The following UBE2E2 variants were observed in gnomAD, a reference collection of about 807,000 sequenced individuals.
UBE2E2 encodes ubiquitin-conjugating enzyme E2 E2.
A neutral mutation model predicts 24.7 loss-of-function variants in UBE2E2; 6 were observed. That is an observed-to-expected ratio of 0.24 (90% CI 0.13 to 0.48). The LOEUF (loss-of-function observed/expected upper bound fraction) is 0.48. Among genes scored for constraint, UBE2E2 ranks in the 20% least tolerant of loss-of-function variants. The pLI, the probability that UBE2E2 is intolerant of heterozygous loss-of-function variation, is 0.99. For synonymous variants in UBE2E2, 104 were observed against 83.6 expected (o/e 1.24, Z -1.33); for missense variants, 169 against 245.0 (o/e 0.69, Z 2.07).
At chr3:23,382,225 A>C (rs1455991597) in intron 3 of UBE2E2, among the ~76,000 whole-genome samples, 1 of 120,760 alleles carries the variant, frequency 8.3e-6, no homozygotes, top group Non-Finnish European at 1.6e-5. Context: ...TCTGTAGCCC[A>C]GGCTGGAGTG....
At position 23,556,454 on chromosome 3, in the gene UBE2E2, T is replaced by TTAAAAAAA. The variant is rs1553620573; in HGVS notation, c.508+23753_508+23754insTAAAAAAA. Among the ~76,000 whole-genome samples, 48 of 94,342 alleles carry TTAAAAAAA rather than the reference T, an allele frequency of 5.1e-4. 2 individuals are homozygous for TTAAAAAAA. Among genetic ancestry groups the TTAAAAAAA allele is most frequent in the Middle Eastern group, 0.011 (2 of 178 alleles). 61.9% of individuals were successfully genotyped at this position (94,342 alleles called of 152,430 possible). A position where few individuals can be genotyped will look rare whatever the true frequency, so the allele number is the denominator to read the frequency against. ...CCATGCCCAGCCAATAAAATTTATT[T>TTAAAAAAA]AAAAAAAAAAAAAAAAAAGCTATAC... On this transcript the variant is annotated intron_variant, in intron 5 of 5. Coordinates refer to ENST00000396703, the MANE Select transcript of UBE2E2 (RefSeq NM_152653.4).
chr3:23,548,089 A>G (rs769192183), intron 5 of UBE2E2, among the ~76,000 whole-genome samples: 1 of 152,178 alleles, frequency 6.6e-6, no homozygotes, highest in Non-Finnish European at 1.5e-5. Flanking sequence ...TGGCTTTTAT[A>G]TACATATGTT....
rs1430086726 is a variant in UBE2E2 at position 23,453,042 on chromosome 3, C to G, written c.228-46566C>G. Among the ~76,000 whole-genome samples, 4 of 152,140 alleles carry G rather than the reference C, an allele frequency of 2.6e-5. No individual in the cohort carries two copies. The East Asian group carries it at 7.7e-4, about 29-fold the overall frequency. On this transcript the variant is annotated intron_variant, in intron 3 of 5. Coordinates refer to ENST00000396703, the MANE Select transcript of UBE2E2 (RefSeq NM_152653.4). ...TTTAATAGTATCCTTAGAAAAATAA[C>G]TGCTCTTCAAAGTAAATGATAGGTA...
chr3:23,304,532 C>G (rs1230399813), intron 3 of UBE2E2, among the ~76,000 whole-genome samples: 1 of 152,116 alleles, frequency 6.6e-6, no homozygotes, highest in Non-Finnish European at 1.5e-5. Context: ...TTGCCAGTCT[C>G]TTAATGTCTG....
At chr3:23,314,120 G>T (rs534052680) in intron 3 of UBE2E2, among the ~76,000 whole-genome samples, 1 of 152,138 alleles carries the variant, frequency 6.6e-6, no homozygotes. Flanking sequence ...TTGAAAAGTT[G>T]CTGTAGTTAC....
intron 3 of UBE2E2, among the ~76,000 whole-genome samples, chr3:23,285,664 G>C (rs1261586978): frequency 2.0e-5 from 3 of 152,050 alleles, no homozygotes; most frequent in African/African-American, 7.2e-5. Flanking sequence ...TTTGCCATTT[G>C]TATGTCTTCT....
chr3:23,212,722 T>C (rs1000178856), intron 2 of UBE2E2, among the ~76,000 whole-genome samples: 2 of 152,134 alleles, frequency 1.3e-5, no homozygotes, highest in South Asian at 2.1e-4. Context: ...AATAGTACTT[T>C]TGTAGATAAT....
chr3:23,456,419 G>A (rs1423932019), intron 3 of UBE2E2, among the ~76,000 whole-genome samples: 4 of 152,298 alleles, frequency 2.6e-5, no homozygotes, highest in East Asian at 3.9e-4. Context: ...TCCATCAGAG[G>A]AATCACTGCG....
At chr3:23,317,387 G>A (rs926219178) in intron 3 of UBE2E2, among the ~76,000 whole-genome samples, 1 of 152,184 alleles carries the variant, frequency 6.6e-6, no homozygotes, top group Non-Finnish European at 1.5e-5. Flanking sequence ...CCAATGCAAA[G>A]CCCACAGTTG....
chr3:23,339,595 CTTTAA>C (rs201612958), intron 3 of UBE2E2, among the ~76,000 whole-genome samples: 9 of 151,772 alleles, frequency 5.9e-5, no homozygotes, highest in South Asian at 4.2e-4. Flanking sequence ...TAAATGTTTT[CTTTAA>C]TTTAATGAAG....
intron 3 of UBE2E2, among the ~76,000 whole-genome samples, chr3:23,394,781 C>T (rs1697034613): frequency 6.6e-6 from 1 of 152,084 alleles, no homozygotes; most frequent in African/African-American, 2.4e-5. Context: ...CATTTCGATC[C>T]CCAAAAGGTA....
chr3:23,568,698 T>TATGTATAC (rs1553621684), intron 5 of UBE2E2, among the ~76,000 whole-genome samples: 4 of 59,468 alleles, frequency 6.7e-5, no homozygotes, highest in Non-Finnish European at 1.1e-4. Flanking sequence ...TATACACACA[T>TATGTATAC]ATATATATAC....
intron 3 of UBE2E2, among the ~76,000 whole-genome samples, chr3:23,489,737 C>T (rs910475088): frequency 1.3e-5 from 2 of 152,172 alleles, no homozygotes; most frequent in Non-Finnish European, 2.9e-5. Context: ...AGGCCACGGA[C>T]TGGTACTGGG....
chr3:23,258,737 CA>C (rs547409344), intron 3 of UBE2E2, among the ~76,000 whole-genome samples: 3 of 151,220 alleles, frequency 2.0e-5, no homozygotes, highest in Non-Finnish European at 4.4e-5. Flanking sequence ...ACTAAAAATA[CA>C]AAAAATTAGC....
At chr3:23,555,614 G>T (rs1276661718) in intron 5 of UBE2E2, among the ~76,000 whole-genome samples, 4 of 152,114 alleles carry the variant, frequency 2.6e-5, no homozygotes, top group African/African-American at 9.7e-5. Flanking sequence ...AAAAACCTAG[G>T]TGTCCATCAG....
intron 3 of UBE2E2, among the ~76,000 whole-genome samples, chr3:23,259,534 TAACA>T (rs1249777302): frequency 1.3e-5 from 2 of 151,152 alleles, no homozygotes; most frequent in Non-Finnish European, 2.9e-5. Flanking sequence ...TATACCTGTG[TAACA>T]AACCTACATG....
At chr3:23,281,810 A>G (rs1235946212) in intron 3 of UBE2E2, among the ~76,000 whole-genome samples, 4 of 152,232 alleles carry the variant, frequency 2.6e-5, no homozygotes, top group Non-Finnish European at 5.9e-5. Flanking sequence ...TCTTAGAAAT[A>G]TGATATACAA....
chr3:23,486,495 TC>T (rs1699375206), intron 3 of UBE2E2, among the ~76,000 whole-genome samples: 1 of 151,856 alleles, frequency 6.6e-6, no homozygotes, highest in South Asian at 2.1e-4. Flanking sequence ...TTTCTCGGGG[TC>T]ATGTTTCAGC....
chr3:23,564,427 T>C (rs1422644568), intron 5 of UBE2E2, among the ~76,000 whole-genome samples: 1 of 152,174 alleles, frequency 6.6e-6, no homozygotes, highest in Non-Finnish European at 1.5e-5. Context: ...TAAATATGGC[T>C]GTATAATGTA....
Sources: gnomAD v4.1 joint callset for allele counts (sites outside exome capture counted in the v4.1 genomes callset) on GRCh38, gnomAD v4.1.1 for gene constraint, MANE v1.5 for transcripts, NCBI Gene and HGNC (gene_info 2026-07-23, HGNC 2026-07-21) for gene names.